Variants in SLCO3A1 observed in about 807,000 individuals in gnomAD.
The protein encoded by SLCO3A1 is PGE1 transporter.
Under a neutral mutation model 63.1 loss-of-function variants are expected in SLCO3A1, and 27 were observed. The ratio of observed to expected loss-of-function variants is 0.43; its 90% confidence interval spans 0.32 to 0.59. SLCO3A1 has a LOEUF of 0.59. SLCO3A1 is among the 20% of genes least tolerant of loss of function. The pLI, the probability that SLCO3A1 is intolerant of heterozygous loss-of-function variation, is 0.09. For synonymous variants in SLCO3A1, 473 were observed against 409.9 expected (o/e 1.15, Z -1.86); for missense variants, 773 against 945.8 (o/e 0.82, Z 2.40).
chr15:92,085,349 A>T (rs770276059), intron 2 of SLCO3A1, among the ~76,000 whole-genome samples: 10 of 152,130 alleles, frequency 6.6e-5, no homozygotes, highest in Non-Finnish European at 1.2e-4. Flanking sequence ...TTGTTCTTCA[A>T]CCCTGTCTAT....
intron 2 of SLCO3A1, among the ~76,000 whole-genome samples, chr15:92,090,585 A>G (rs1002355078): frequency 3.9e-5 from 6 of 152,170 alleles, no homozygotes; most frequent in African/African-American, 1.2e-4. Context: ...CCGGACATCC[A>G]GTCAGTCTGG....
chr15:92,101,518 A>G (rs2047604617), intron 3 of SLCO3A1, among the ~76,000 whole-genome samples: 1 of 152,148 alleles, frequency 6.6e-6, no homozygotes. Context: ...AAAAGAAAAA[A>G]AAAAATTAGT....
rs575017243 is a variant in SLCO3A1 at position 91,911,098 on chromosome 15, A to G, written c.181-4895A>G. Among the ~76,000 whole-genome samples, 36 of 152,330 alleles carry G rather than the reference A, an allele frequency of 2.4e-4. No individual in the cohort carries two copies. In the South Asian group the frequency reaches 7.3e-3, roughly 31 times the overall value. ...CCTGTCCTATGGCAACATAGACTGA[A>G]GCTCTCCCTTTTGGGCTAAGTGCTG... On this transcript the variant is annotated intron_variant, in intron 1 of 9. Coordinates refer to ENST00000318445, the MANE Select transcript of SLCO3A1 (RefSeq NM_013272.4).
At chr15:91,904,674 C>T (rs1898251086) in intron 1 of SLCO3A1, among the ~76,000 whole-genome samples, 2 of 152,076 alleles carry the variant, frequency 1.3e-5, no homozygotes, top group East Asian at 1.9e-4. Flanking sequence ...TCTTATGGTT[C>T]GTGGTTGTTT....
chr15:91,989,354 A>G (rs766784029), intron 2 of SLCO3A1, among the ~76,000 whole-genome samples: 21 of 152,024 alleles, frequency 1.4e-4, no homozygotes, highest in Non-Finnish European at 2.4e-4. Context: ...CGTGTGAGCA[A>G]CTCTGGGGCA....
At chr15:92,074,779 G>A (rs758178317) in intron 2 of SLCO3A1, among the ~76,000 whole-genome samples, 17 of 82,120 alleles carry the variant, frequency 2.1e-4, no homozygotes, top group Admixed American at 1.5e-3. Context: ...CAAGCAGGGC[G>A]GTGGGGGGTG....
At chr15:92,076,412 G>A (rs551690788) in intron 2 of SLCO3A1, among the ~76,000 whole-genome samples, 1 of 152,154 alleles carries the variant, frequency 6.6e-6, no homozygotes, top group Non-Finnish European at 1.5e-5. Flanking sequence ...ACTTTCCCCG[G>A]ATGCAGGACG....
At chr15:92,154,088 A>G (rs991010644) in intron 9 of SLCO3A1, among the ~76,000 whole-genome samples, 25 of 152,258 alleles carry the variant, frequency 1.6e-4, no homozygotes, top group Non-Finnish European at 3.4e-4. Flanking sequence ...GAATAAGAAC[A>G]TGGCTGAAGA....
chr15:92,154,348 G>A (rs1232644622), intron 9 of SLCO3A1, among the ~76,000 whole-genome samples: 3 of 152,234 alleles, frequency 2.0e-5, no homozygotes, highest in Non-Finnish European at 4.4e-5. Flanking sequence ...CAAGTTGGGA[G>A]TGGTGTAGAC....
At chr15:91,899,320 C>G (rs1321212879) in intron 1 of SLCO3A1, among the ~76,000 whole-genome samples, 3 of 152,190 alleles carry the variant, frequency 2.0e-5, no homozygotes. Flanking sequence ...CTCCCTTCAC[C>G]TCTGTGCTTT....
chr15:91,892,792 G>A (rs1464765832), intron 1 of SLCO3A1, among the ~76,000 whole-genome samples: 2 of 152,204 alleles, frequency 1.3e-5, no homozygotes, highest in Non-Finnish European at 2.9e-5. Flanking sequence ...CTACTCCCCA[G>A]TAAGTTTCTG....
intron 2 of SLCO3A1, among the ~76,000 whole-genome samples, chr15:92,043,615 CA>C (rs1322349319): frequency 2.0e-5 from 3 of 152,220 alleles, no homozygotes; most frequent in Non-Finnish European, 4.4e-5. Context: ...CATGCATAGA[CA>C]AGTTTTATTT....
chr15:91,877,978 G>A (rs1897443369), intron 1 of SLCO3A1, among the ~76,000 whole-genome samples: 1 of 152,080 alleles, frequency 6.6e-6, no homozygotes, highest in African/African-American at 2.4e-5. Flanking sequence ...CTTTCCTTAG[G>A]TGAGGCTGCA....
chr15:92,164,359 T>C lies in SLCO3A1; in HGVS notation c.*1224T>C. The C allele has an allele frequency of 1.0e-6, 1 of 985,396 alleles. No individual in the cohort carries two copies. Among genetic ancestry groups the C allele is most frequent in the Non-Finnish European group, 1.2e-6 (1 of 829,876 alleles). 61.0% of individuals were successfully genotyped at this position (985,396 alleles called of 1,614,324 possible). A position where few individuals can be genotyped will look rare whatever the true frequency, so the allele number is the denominator to read the frequency against. On this transcript the variant is annotated 3_prime_UTR_variant, in exon 10 of 10. Transcript: ENST00000318445. The stretch of plus-strand genomic sequence containing the variant: ...AGAGAGTGTATATGCAGCCTGCCTT[T>C]AAAAGAATCACATTTGAGACAACAG...
chr15:91,936,896 T>A lies in SLCO3A1; in HGVS notation c.646+20438T>A, dbSNP rs114582489. Among the ~76,000 whole-genome samples the A allele has an allele frequency of 3.4e-3, 522 of 152,254 alleles. 4 individuals carry two copies. The highest frequency in any genetic ancestry group is 0.012 in the African/African-American group (511 of 41,556). The stretch of plus-strand genomic sequence containing the variant: ...TCTCGTAGGCACCATATGTCCCAAT[T>A]TGGGTTCCACAAATATGGTCACTGT... On this transcript the variant is annotated intron_variant, in intron 2 of 9. Transcript: ENST00000318445.
intron 1 of SLCO3A1, among the ~76,000 whole-genome samples, chr15:91,907,760 A>C (rs1683585685): frequency 6.6e-6 from 1 of 151,844 alleles, no homozygotes; most frequent in Non-Finnish European, 1.5e-5. Context: ...TCCTGACCTC[A>C]GGTGATCCAC....
rs189666280 is a variant in SLCO3A1, at chr15:91,858,983, C to T, written c.180+4895C>T. Among the ~76,000 whole-genome samples the T allele has an allele frequency of 2.4e-4, 37 of 152,312 alleles. No homozygotes were observed. In the South Asian group the frequency reaches 3.7e-3, roughly 15 times the overall value. ...TTTCTCTGGCTTTAGTTCCAACTCG[C>T]GCAGATTTCACTACATGCATCATTT... On this transcript the variant is annotated intron_variant, in intron 1 of 9. Coordinates refer to ENST00000318445, the MANE Select transcript of SLCO3A1 (RefSeq NM_013272.4).
At chr15:91,947,204 C>T (rs1899837740) in intron 2 of SLCO3A1, among the ~76,000 whole-genome samples, 2 of 152,230 alleles carry the variant, frequency 1.3e-5, no homozygotes, top group African/African-American at 2.4e-5. Context: ...GACCTCCCTC[C>T]TGGGTGCACC....
At chr15:91,957,893 A>G (rs1310671982) in intron 2 of SLCO3A1, among the ~76,000 whole-genome samples, 1 of 152,198 alleles carries the variant, frequency 6.6e-6, no homozygotes, top group Non-Finnish European at 1.5e-5. Context: ...CAGTGCATAA[A>G]GCATGGCCTG....
Sources: gnomAD v4.1 joint callset for allele counts (sites outside exome capture counted in the v4.1 genomes callset) on GRCh38, gnomAD v4.1.1 for gene constraint, MANE v1.5 for transcripts, NCBI Gene and HGNC (gene_info 2026-07-23, HGNC 2026-07-21) for gene names.